The following TYW1B variants were observed in gnomAD, a reference collection of about 807,000 sequenced individuals.
TYW1B encodes S-adenosyl-L-methionine-dependent tRNA 4-demethylwyosine synthase TYW1B.
TYW1B carries 73 observed loss-of-function variants against 86.9 expected under a neutral mutation model. That is an observed-to-expected ratio of 0.84 (90% CI 0.70 to 1.02). The LOEUF (loss-of-function observed/expected upper bound fraction) is 1.02, where lower values mean the gene tolerates loss of function less well. Ranked by LOEUF, TYW1B falls within the 50% of genes least tolerant of loss-of-function variation. The pLI, the probability that TYW1B is intolerant of heterozygous loss-of-function variation, is 0.00. For missense variants in TYW1B, 637 were observed against 827.4 expected, an observed-to-expected ratio of 0.77 and a Z score of 2.82; for synonymous variants, 248 against 292.8, an observed-to-expected ratio of 0.85 and a Z score of 1.56.
intron 8 of TYW1B, among the ~76,000 whole-genome samples, chr7:72,734,690 T>A (rs1240203104): frequency 6.6e-6 from 1 of 152,224 alleles, no homozygotes; most frequent in African/African-American, 2.4e-5. Context: ...TGACAGAAGA[T>A]ATTTCCAAAC....
At chr7:72,731,824 C>A (rs1787117927) in intron 8 of TYW1B, among the ~76,000 whole-genome samples, 1 of 152,068 alleles carries the variant, frequency 6.6e-6, no homozygotes, top group African/African-American at 2.4e-5. Context: ...CACCTGTAAT[C>A]CCAGCTACTT....
rs1554437593 is a variant in TYW1B at position 72,619,625 on chromosome 7, G to T, written c.1618-2786C>A. Among the ~76,000 whole-genome samples the T allele has an allele frequency of 5.5e-5, 8 of 145,842 alleles. No homozygotes were observed. In the South Asian group the frequency reaches 1.8e-3, roughly 32 times the overall value. ...CACTGCAGTCCGCAGTCTGGCCTGGGCGACAGAGCAAGACTCCGTCTCAAA... is the reference window on the plus strand; with the variant it reads ...CACTGCAGTCCGCAGTCTGGCCTGGTCGACAGAGCAAGACTCCGTCTCAAA... On this transcript the variant is annotated intron_variant, in intron 12 of 13. Transcript: ENST00000620995.
chr7:72,585,493 A>G (rs1811252289), intron 13 of TYW1B, among the ~76,000 whole-genome samples: 1 of 152,168 alleles, frequency 6.6e-6, no homozygotes, highest in Non-Finnish European at 1.5e-5. Flanking sequence ...TTATTAAGAA[A>G]CTGCTTGATA....
At chr7:72,737,391 T>C (rs781834260) in intron 8 of TYW1B, among the ~76,000 whole-genome samples, 35 of 152,214 alleles carry the variant, frequency 2.3e-4, no homozygotes, top group Admixed American at 1.0e-3. Context: ...AATCATACTG[T>C]TTGCTTTCCA....
At chr7:72,815,818 C>A (rs139975208) in intron 2 of TYW1B, among the ~76,000 whole-genome samples, 4 of 151,934 alleles carry the variant, frequency 2.6e-5, no homozygotes, top group Admixed American at 6.6e-5. Flanking sequence ...AGTGGGAGGA[C>A]CACTTGAGGC....
intron 11 of TYW1B, among the ~76,000 whole-genome samples, chr7:72,672,085 T>C (rs1216082674): frequency 6.6e-6 from 1 of 152,164 alleles, no homozygotes; most frequent in African/African-American, 2.4e-5. Flanking sequence ...GTTCTCGTGA[T>C]AGTGAATAAG....
chr7:72,615,263 A>C (rs1812041976), intron 13 of TYW1B, among the ~76,000 whole-genome samples: 1 of 152,364 alleles, frequency 6.6e-6, no homozygotes, highest in Non-Finnish European at 1.5e-5. Context: ...CTAAAATTAA[A>C]TTGTCCTGTT....
At chr7:72,632,386 A>ATG (rs1491297572) in intron 11 of TYW1B, among the ~76,000 whole-genome samples, 2 of 105,362 alleles carry the variant, frequency 1.9e-5, no homozygotes, top group Admixed American at 2.3e-4. Flanking sequence ...TTATATATAT[A>ATG]CGTATATATA....
chr7:72,629,092 A>G, intron 11 of TYW1B, 95 bp from the exon 12 acceptor site: 1 of 1,229,040 alleles, frequency 8.1e-7, no homozygotes, highest in South Asian at 1.6e-5. Context: ...CAGAGAACCC[A>G]GGGCAGGCAA....
chr7:72,769,274 T>C (rs1401481816), intron 7 of TYW1B: 1 of 186,584 alleles, frequency 5.4e-6, no homozygotes, highest in African/African-American at 2.4e-5. Flanking sequence ...CATATGTATG[T>C]GTCTTCCTTA....
In TYW1B at chr7:72,628,929, C is replaced by T. The variant is rs374211694; in HGVS notation, c.1575G>A (p.Ala525=). 5.0e-5 allele frequency: 80 copies of T among 1,593,758 alleles called. No homozygotes were observed. Among genetic ancestry groups the T allele is most frequent in the Middle Eastern group, 1.7e-4 (1 of 6,056 alleles). ...CAGGATTCCCCAGGGACACGAGCTG[C>T]GCGTAGGCCTGGAGCTCGTCCACGT... is the stretch of plus-strand genomic sequence containing the variant. ...AWNVDELQAY[A]QLVSLGNPDF... Residue 525 remains alanine, a synonymous_variant, in exon 12 of 14, where the codon GCG becomes GCA. Transcript: ENST00000620995.
At chr7:72,669,361 C>CTCT (rs1224147655) in intron 11 of TYW1B, among the ~76,000 whole-genome samples, 3 of 151,676 alleles carry the variant, frequency 2.0e-5, no homozygotes, top group African/African-American at 7.3e-5. Context: ...GGCCAGGCTG[C>CTCT]TCTTGAATTC....
At chr7:72,822,611 T>A (rs79840151) in intron 2 of TYW1B, among the ~76,000 whole-genome samples, 1 of 139,998 alleles carries the variant, frequency 7.1e-6, no homozygotes, top group African/African-American at 2.5e-5. Context: ...CTTCTATACA[T>A]GACCAAATCC....
chr7:72,575,117 G>A lies in TYW1B; in HGVS notation c.*381C>T. The A allele has an allele frequency of 1.9e-6, 2 of 1,053,360 alleles. No homozygotes were observed. Among genetic ancestry groups the A allele is most frequent in the South Asian group, 7.2e-5 (2 of 27,936 alleles). The allele number at this position is 1,053,360 out of a possible 1,614,324, so 65.3% of individuals were successfully genotyped here. On this transcript the variant is annotated 3_prime_UTR_variant, in exon 14 of 14. Transcript: ENST00000620995. ...AAGTGGCTGCTCCATGAAATCCAAG[G>A]GCCAGGTGAGGGGAAGAGGCCCAGG...
At chr7:72,804,543 A>G (rs1321575468) in intron 5 of TYW1B, among the ~76,000 whole-genome samples, 4 of 152,076 alleles carry the variant, frequency 2.6e-5, no homozygotes, top group Non-Finnish European at 4.4e-5. Context: ...TTATTTTAAA[A>G]AATTAAAAAA....
At chr7:72,700,429 T>G (rs1476429161) in intron 10 of TYW1B, among the ~76,000 whole-genome samples, 1 of 152,102 alleles carries the variant, frequency 6.6e-6, no homozygotes, top group African/African-American at 2.4e-5. Flanking sequence ...TGCCTCAGCC[T>G]CCCAAAGTGC....
At chr7:72,806,425 G>A (rs1476444262) in intron 5 of TYW1B, among the ~76,000 whole-genome samples, 11 of 152,078 alleles carry the variant, frequency 7.2e-5, no homozygotes, top group Middle Eastern at 6.8e-3. Flanking sequence ...TAGTAGAGGT[G>A]GGGTTTCGCC....
intron 9 of TYW1B, among the ~76,000 whole-genome samples, chr7:72,715,718 C>T (rs1396122455): frequency 6.6e-6 from 1 of 151,422 alleles, no homozygotes; most frequent in Admixed American, 6.6e-5. Context: ...AACAAACCTG[C>T]ACTTGTACCC....
intron 12 of TYW1B, among the ~76,000 whole-genome samples, chr7:72,621,299 ATT>A (rs1171763160): frequency 1.3e-5 from 2 of 151,678 alleles, no homozygotes; most frequent in Non-Finnish European, 2.9e-5. Flanking sequence ...TTCATAAATG[ATT>A]TTTTTTTCCC....
Sources: gnomAD v4.1 joint callset for allele counts (sites outside exome capture counted in the v4.1 genomes callset) on GRCh38, gnomAD v4.1.1 for gene constraint, MANE v1.5 for transcripts, NCBI Gene and HGNC (gene_info 2026-07-23, HGNC 2026-07-21) for gene names.